ASAP2: variants seen among roughly 807,000 people sequenced by gnomAD.
ASAP2 encodes the protein ArfGAP with SH3 domain, ankyrin repeat and PH domain 2.
A neutral mutation model predicts 131.4 loss-of-function variants in ASAP2; 45 were observed. The observed-to-expected ratio is 0.34, with a 90% CI of 0.27 to 0.44. The LOEUF (loss-of-function observed/expected upper bound fraction) is 0.44, where lower values mean the gene tolerates loss of function less well. Ranked by LOEUF, ASAP2 falls within the 20% of genes least tolerant of loss-of-function variation. ASAP2 has a pLI of 1.00. For missense variants in ASAP2, 1,011 were observed against 1,297.0 expected, an observed-to-expected ratio of 0.78 and a Z score of 3.39; for synonymous variants, 510 against 503.0, an observed-to-expected ratio of 1.01 and a Z score of -0.19.
At chr2:9,226,506 C>T (rs962570892) in intron 1 of ASAP2, among the ~76,000 whole-genome samples, 1 of 152,168 alleles carries the variant, frequency 6.6e-6, no homozygotes, top group African/African-American at 2.4e-5. Flanking sequence ...GGGCACCTTC[C>T]AGCTTGGGGA....
intron 18 of ASAP2, among the ~76,000 whole-genome samples, chr2:9,377,209 C>T (rs57399297): frequency 0.077 from 11,682 of 152,118 alleles, 1,427 homozygotes; most frequent in African/African-American, 0.26. Flanking sequence ...TTGCAGGGTC[C>T]AACTTCTAGT....
At chr2:9,374,642 G>A (rs1261732733) in intron 16 of ASAP2, 113 bp from the exon 17 acceptor site, 13 of 1,030,224 alleles carry the variant, frequency 1.3e-5, no homozygotes, top group South Asian at 5.1e-5. Context: ...CGGGGCCAGC[G>A]GTGCTTACCA....
At chr2:9,397,072 T>C (rs890885620) in intron 24 of ASAP2, among the ~76,000 whole-genome samples, 1 of 152,242 alleles carries the variant, frequency 6.6e-6, no homozygotes, top group African/African-American at 2.4e-5. Context: ...TATGCTGTAA[T>C]AAATGGGCTT....
At chr2:9,245,469 A>C (rs896895966) in intron 1 of ASAP2, among the ~76,000 whole-genome samples, 1 of 146,290 alleles carries the variant, frequency 6.8e-6, no homozygotes, top group Non-Finnish European at 1.5e-5. Flanking sequence ...TTAGTCATAC[A>C]TTTACTGTTG....
chr2:9,391,082 A>G lies in ASAP2; in HGVS notation c.2404A>G (p.Asn802Asp), dbSNP rs749471675. 3.7e-6 allele frequency: 6 copies of G among 1,614,246 alleles called. No individual in the cohort carries two copies. In the South Asian group the frequency reaches 5.5e-5, roughly 15 times the overall value. ...TTCAGTTCAGACAGCCTCCTCTGCT[A>G]ACACCCTGTGGAAGACAAACTCTGT... ...VGKVQTASSA[N>D]TLWKTNSVSV... Residue 802 changes from asparagine to aspartate, a missense_variant, in exon 23 of 28, where the codon AAC becomes GAC. Transcript: ENST00000281419.
In ASAP2 at chr2:9,207,122, C is replaced by G. The variant is rs776101006; in HGVS notation, c.18C>G (p.Ser6=). Residue 6 remains serine (S), a synonymous_variant, in exon 1 of 28, where the codon TCC becomes TCG. Transcript: ENST00000281419. The surrounding 1 kb of genome is among the most constrained non-coding windows in gnomAD (Gnocchi z 4.1). ...CCGAGGCGATGCCGGACCAGATCTCCGTGTCGGAATTCGTGGCCGAGACCC... is the reference window on the plus strand; with the variant it reads ...CCGAGGCGATGCCGGACCAGATCTCGGTGTCGGAATTCGTGGCCGAGACCC... MPDQI[S]VSEFVAETHE... 1.9e-6 allele frequency: 3 copies of G among 1,596,266 alleles called. No individual in the cohort carries two copies. Among genetic ancestry groups the G allele is most frequent in the African/African-American group, 2.7e-5 (2 of 72,910 alleles).
chr2:9,339,022 C>CA (rs1671407971), intron 9 of ASAP2, among the ~76,000 whole-genome samples: 1 of 152,144 alleles, frequency 6.6e-6, no homozygotes, highest in East Asian at 1.9e-4. Context: ...TACCAAAAGT[C>CA]AAAAAAATTG....
At chr2:9,256,666 G>A (rs942181744) in intron 1 of ASAP2, among the ~76,000 whole-genome samples, 2 of 152,194 alleles carry the variant, frequency 1.3e-5, no homozygotes, top group South Asian at 4.1e-4. Flanking sequence ...TGAAATGAAA[G>A]TGCAGGCCAC....
chr2:9,283,554 C>T (rs1360749750), intron 2 of ASAP2, among the ~76,000 whole-genome samples: 1 of 152,204 alleles, frequency 6.6e-6, no homozygotes, highest in African/African-American at 2.4e-5. Flanking sequence ...GCTCACGGCT[C>T]CCTTCCATCT....
intron 27 of ASAP2, among the ~76,000 whole-genome samples, chr2:9,401,810 G>A (rs571978750): frequency 1.3e-5 from 2 of 152,354 alleles, no homozygotes; most frequent in African/African-American, 4.8e-5. Context: ...CGTCCAGCAG[G>A]GTGTGGGAGC....
chr2:9,218,593 G>A (rs116348797), intron 1 of ASAP2, among the ~76,000 whole-genome samples: 2,317 of 152,226 alleles, frequency 0.015, 78 homozygotes, highest in African/African-American at 0.053. Context: ...GAATGTTGAG[G>A]CCTTGTACTG....
At position 9,207,300 on chromosome 2, in the gene ASAP2, T is replaced by C. The variant is rs1385202129; in HGVS notation, c.126+70T>C. 3 of 1,445,066 alleles carry C rather than the reference T, an allele frequency of 2.1e-6. No homozygotes were observed. The East Asian group carries it at 8.3e-5, about 40-fold the overall frequency. 89.5% of individuals were successfully genotyped at this position (1,445,066 alleles called of 1,614,324 possible). On this transcript the variant is annotated intron_variant, in intron 1 of 27. Transcript: ENST00000281419. This position sits in a 1 kb window ranked among gnomAD's most constrained non-coding sequence, Gnocchi z 4.1. ...CCCAGCCCCGCCCGCCGCTCCCGCA[T>C]CCGCATCCCGAGAAAACTTTCTTTG...
chr2:9,218,051 T>C (rs1249451342), intron 1 of ASAP2, among the ~76,000 whole-genome samples: 1 of 152,192 alleles, frequency 6.6e-6, no homozygotes, highest in East Asian at 1.9e-4. Context: ...GTTAGTCCTA[T>C]AGTGACATGC....
At chr2:9,310,235 AG>A (rs1669213608) in intron 3 of ASAP2, among the ~76,000 whole-genome samples, 1 of 152,190 alleles carries the variant, frequency 6.6e-6, no homozygotes, top group African/African-American at 2.4e-5. Flanking sequence ...CACATTTCAA[AG>A]CGTCTTTTCT....
intron 1 of ASAP2, among the ~76,000 whole-genome samples, chr2:9,227,199 T>C (rs1248714382): frequency 6.6e-6 from 1 of 152,144 alleles, no homozygotes; most frequent in African/African-American, 2.4e-5. Flanking sequence ...TTATCCCCAC[T>C]TCCTACATTT....
At chr2:9,394,023 C>T (rs1374124228) in intron 24 of ASAP2, among the ~76,000 whole-genome samples, 1 of 152,196 alleles carries the variant, frequency 6.6e-6, no homozygotes, top group Non-Finnish European at 1.5e-5. Flanking sequence ...AGGACATTGT[C>T]CTACCTCACA....
intron 7 of ASAP2, among the ~76,000 whole-genome samples, chr2:9,328,901 A>G (rs977097202): frequency 1.3e-5 from 2 of 152,258 alleles, no homozygotes; most frequent in Non-Finnish European, 2.9e-5. Flanking sequence ...AAGTATAGGA[A>G]TCTAAGAAAG....
Position 9,207,308 on chromosome 2 carries a change from C to G in ASAP2, c.126+78C>G. The G allele has an allele frequency of 7.0e-7, 1 of 1,437,576 alleles. No homozygotes were observed. The highest frequency in any genetic ancestry group is 9.1e-7 in the Non-Finnish European group (1 of 1,096,682). 89.1% of individuals were successfully genotyped at this position (1,437,576 alleles called of 1,614,324 possible). On this transcript the variant is annotated intron_variant, in intron 1 of 27. Coordinates refer to ENST00000281419, the MANE Select transcript of ASAP2 (RefSeq NM_003887.3). This position sits in a 1 kb window ranked among gnomAD's most constrained non-coding sequence, Gnocchi z 4.1. ...CGCCCGCCGCTCCCGCATCCGCATC[C>G]CGAGAAAACTTTCTTTGCTCCGAAG...
intron 19 of ASAP2, among the ~76,000 whole-genome samples, chr2:9,379,990 CA>C (rs1242941951): frequency 5.9e-4 from 48 of 81,696 alleles, no homozygotes; most frequent in African/African-American, 2.2e-3. Context: ...GACTCCATCT[CA>C]AAAAAAAAAA....
Sources: allele counts gnomAD v4.1 joint callset (sites outside exome capture counted in the v4.1 genomes callset), GRCh38; gene constraint gnomAD v4.1.1; non-coding constraint Gnocchi (gnomAD v3.1); transcripts MANE v1.5; gene names NCBI Gene and HGNC (gene_info 2026-07-23, HGNC 2026-07-21).